TRIO: variants seen among roughly 807,000 people sequenced by gnomAD.
TRIO encodes trio Rho guanine nucleotide exchange factor.
Under a neutral mutation model 351.9 loss-of-function variants are expected in TRIO, and 58 were observed. That is an observed-to-expected ratio of 0.16 (90% confidence interval 0.13 to 0.21). The LOEUF (loss-of-function observed/expected upper bound fraction) is 0.21, where lower values mean the gene tolerates loss of function less well. Ranked by LOEUF, TRIO falls within the 10% of genes least tolerant of loss-of-function variation. The probability of loss-of-function intolerance (pLI) is 1.00; values close to 1 mark genes in which losing one functional copy is unlikely to be tolerated. For missense variants in TRIO, 3,201 were observed against 4,027.8 expected (o/e 0.79, Z 5.56); for synonymous variants, 1,758 against 1,595.7 (o/e 1.10, Z -2.42).
Position 14,330,974 on chromosome 5 carries a change from A to G in TRIO, c.1854+74A>G, listed in dbSNP as rs1581634673. 4 of 1,591,124 alleles carry G rather than the reference A, an allele frequency of 2.5e-6. No individual in the cohort carries two copies. In the East Asian group the frequency reaches 6.7e-5, roughly 27 times the overall value. ...GATTTTGGATTACAGTTTTAACCAC[A>G]TTTGAGATAAGTTAGCATTAGCTCG... On this transcript the variant is annotated intron_variant, in intron 10 of 56. Coordinates refer to ENST00000344204, the MANE Select transcript of TRIO (RefSeq NM_007118.4).
At chr5:14,372,080 T>TA (rs1334324810) in intron 18 of TRIO, among the ~76,000 whole-genome samples, 2 of 152,154 alleles carry the variant, frequency 1.3e-5, no homozygotes, top group Non-Finnish European at 2.9e-5. Flanking sequence ...ATTGAAGAAA[T>TA]ACGTTCCTCG....
Position 14,218,314 on chromosome 5 carries a change from A to C in TRIO, c.158-52511A>C, listed in dbSNP as rs191408630. On this transcript the variant is annotated intron_variant, in intron 1 of 56. Transcript: ENST00000344204. ...AGAGTGAGTGTCTAATGATTGCTAAAGTAATTTTCTTAGTTTTACTATGGA... is the reference window on the plus strand; with the variant it reads ...AGAGTGAGTGTCTAATGATTGCTAACGTAATTTTCTTAGTTTTACTATGGA... 1.9e-3 allele frequency among the ~76,000 whole-genome samples: 293 copies of C among 152,340 alleles called. 5 individuals carry two copies. The highest frequency in any genetic ancestry group is 0.017 in the Admixed American group (261 of 15,300).
intron 1 of TRIO, among the ~76,000 whole-genome samples, chr5:14,211,459 A>G (rs1037595324): frequency 6.6e-6 from 1 of 152,218 alleles, no homozygotes; most frequent in Non-Finnish European, 1.5e-5. Flanking sequence ...GAATTAACCT[A>G]TAATAAAACA....
chr5:14,389,702 G>T (rs1746877093), intron 25 of TRIO, among the ~76,000 whole-genome samples: 1 of 152,290 alleles, frequency 6.6e-6, no homozygotes, highest in Admixed American at 6.5e-5. Flanking sequence ...TACTTCTGAG[G>T]GTTGAGAGAC....
chr5:14,238,531 G>A (rs953656688), intron 1 of TRIO, among the ~76,000 whole-genome samples: 12 of 152,156 alleles, frequency 7.9e-5, no homozygotes, highest in Admixed American at 4.6e-4. Context: ...GATTCCTGCC[G>A]CTGGTGCATG....
intron 20 of TRIO, among the ~76,000 whole-genome samples, chr5:14,379,332 T>C (rs557405017): frequency 6.6e-6 from 1 of 152,344 alleles, no homozygotes; most frequent in East Asian, 1.9e-4. Flanking sequence ...ATTAACTTTC[T>C]TAGCAGAGGT....
At chr5:14,272,840 A>G (rs1038751540) in intron 2 of TRIO, among the ~76,000 whole-genome samples, 7 of 152,258 alleles carry the variant, frequency 4.6e-5, no homozygotes, top group Non-Finnish European at 1.0e-4. Context: ...CCATAAAATT[A>G]AGTAGAAATT....
At chr5:14,486,304 A>G (rs1172415244) in intron 47 of TRIO, among the ~76,000 whole-genome samples, 1 of 152,218 alleles carries the variant, frequency 6.6e-6, no homozygotes, top group East Asian at 1.9e-4. Flanking sequence ...GTCACAAGAA[A>G]GCCACCTCTA....
chr5:14,480,722 C>G (rs1233318756), intron 43 of TRIO, among the ~76,000 whole-genome samples: 1 of 152,186 alleles, frequency 6.6e-6, no homozygotes, highest in Non-Finnish European at 1.5e-5. Context: ...TGGTCTGACT[C>G]TGTGTACTGC....
chr5:14,258,581 T>C (rs1795159359), intron 1 of TRIO, among the ~76,000 whole-genome samples: 1 of 152,132 alleles, frequency 6.6e-6, no homozygotes, highest in Non-Finnish European at 1.5e-5. Flanking sequence ...TGCAGAGTCT[T>C]TTAGGATCTT....
chr5:14,205,414 A>C (rs1174904970), intron 1 of TRIO, among the ~76,000 whole-genome samples: 3 of 152,226 alleles, frequency 2.0e-5, no homozygotes, highest in Non-Finnish European at 4.4e-5. Flanking sequence ...GTTCCTCAGC[A>C]TTTGAAGTAA....
chr5:14,259,008 G>A (rs1242616219), intron 1 of TRIO, among the ~76,000 whole-genome samples: 1 of 152,172 alleles, frequency 6.6e-6, no homozygotes, highest in Non-Finnish European at 1.5e-5. Flanking sequence ...TAATCCAAGG[G>A]AGGAGACGCC....
chr5:14,194,615 T>A (rs1790654965), intron 1 of TRIO, among the ~76,000 whole-genome samples: 1 of 152,230 alleles, frequency 6.6e-6, no homozygotes, highest in Non-Finnish European at 1.5e-5. Flanking sequence ...ATAAACAGTA[T>A]ACAGAGGCAT....
At chr5:14,455,155 G>A (rs912127044) in intron 34 of TRIO, among the ~76,000 whole-genome samples, 1 of 152,176 alleles carries the variant, frequency 6.6e-6, no homozygotes, top group Non-Finnish European at 1.5e-5. Context: ...AGCTTCCACA[G>A]TGTGGAAGGG....
chr5:14,442,374 A>G (rs1188250452), intron 34 of TRIO, among the ~76,000 whole-genome samples: 2 of 152,270 alleles, frequency 1.3e-5, no homozygotes, highest in African/African-American at 4.8e-5. Flanking sequence ...GGGATCCCCC[A>G]AAGAAAGGGG....
chr5:14,254,590 G>A lies in TRIO; in HGVS notation c.158-16235G>A, dbSNP rs547793206. Among the ~76,000 whole-genome samples, 35 of 152,224 alleles carry A rather than the reference G, an allele frequency of 2.3e-4. 2 individuals are homozygous for A. The South Asian group carries it at 2.5e-3, about 11-fold the overall frequency. Reference sequence around the variant, plus strand: ...TGGATGGCCAGGCCATCTTTCTACCGTTGGTCTTGGCTCTGTTCTCCCGCG... The same window carrying A: ...TGGATGGCCAGGCCATCTTTCTACCATTGGTCTTGGCTCTGTTCTCCCGCG... On this transcript the variant is annotated intron_variant, in intron 1 of 56. Transcript: ENST00000344204.
Position 14,504,549 on chromosome 5 carries a change from C to T in TRIO, c.8568C>T (p.Leu2856=), listed in dbSNP as rs145684552. 2.7e-5 allele frequency: 43 copies of T among 1,614,002 alleles called. No individual in the cohort carries two copies. Among genetic ancestry groups the T allele is most frequent in the East Asian group, 8.9e-5 (4 of 44,878 alleles). The change falls in exon 55 of 57, where the codon CTC becomes CTT. Residue 2856 remains leucine (L), a synonymous_variant. Transcript: ENST00000344204. The part of the protein sequence containing the change: ...SLQHPLLVGL[L]DTFETPTSYI... ...AGCACCCCCTGCTTGTCGGCCTCCT[C>T]GACACCTTTGAGACCCCCACCAGCT...
At chr5:14,312,537 G>A (rs1002267439) in intron 8 of TRIO, among the ~76,000 whole-genome samples, 8 of 152,178 alleles carry the variant, frequency 5.3e-5, no homozygotes, top group Non-Finnish European at 1.2e-4. Context: ...TGAAAAATGA[G>A]CTGATCTGAT....
intron 49 of TRIO, among the ~76,000 whole-genome samples, chr5:14,495,422 A>G (rs1256431654): frequency 6.6e-6 from 1 of 152,150 alleles, no homozygotes; most frequent in East Asian, 1.9e-4. Flanking sequence ...CCAATTTCCA[A>G]AGAAGTTCTA....
Sources: gnomAD v4.1 joint callset for allele counts (sites outside exome capture counted in the v4.1 genomes callset) on GRCh38, gnomAD v4.1.1 for gene constraint, MANE v1.5 for transcripts, NCBI Gene and HGNC (gene_info 2026-07-23, HGNC 2026-07-21) for gene names.